Variants in FSD1L observed in about 807,000 individuals in gnomAD.
The protein encoded by FSD1L is FSD1-like protein.
In FSD1L, 45 loss-of-function variants were observed where a neutral mutation model predicts 71.6. The observed-to-expected ratio is 0.63, with a 90% CI of 0.49 to 0.81. The LOEUF is 0.81. Among genes scored for constraint, FSD1L ranks in the 30% least tolerant of loss-of-function variants. FSD1L has a pLI of 0.00. For missense variants in FSD1L, 561 were observed against 618.1 expected (o/e 0.91, Z 0.98); for synonymous variants, 197 against 207.2 (o/e 0.95, Z 0.42).
intron 4 of FSD1L, 104 bp downstream of exon 4, chr9:105,468,428 C>A: frequency 1.2e-6 from 1 of 822,840 alleles, no homozygotes; most frequent in South Asian, 2.5e-5. Context: ...TATACCCTTA[C>A]CTCGTAGAAG....
intron 13 of FSD1L, among the ~76,000 whole-genome samples, chr9:105,545,963 C>T (rs1275064895): frequency 1.3e-5 from 2 of 151,908 alleles, no homozygotes; most frequent in Non-Finnish European, 2.9e-5. Context: ...AGTCTCAGGC[C>T]ATATCTCATT....
chr9:105,468,297 A>G lies in FSD1L; in HGVS notation c.312A>G (p.Glu104=). ...GTATGATTAACTGTATCAAGCAGGA[A>G]CAAGCTCGTAAATCCCAAGAGTTAC... The part of the protein sequence containing the change: ...KESMINCIKQ[E]QARKSQELQS... Residue 104 remains glutamate (E), a synonymous_variant, in exon 4 of 14, where the codon GAA becomes GAG. Coordinates refer to ENST00000481272, the MANE Select transcript of FSD1L (RefSeq NM_001145313.3). 6.7e-7 allele frequency: 1 copy of G among 1,491,990 alleles called. No homozygotes were observed. Among genetic ancestry groups the G allele is most frequent in the Middle Eastern group, 1.7e-4 (1 of 5,836 alleles). 92.4% of individuals were successfully genotyped at this position (1,491,990 alleles called of 1,614,324 possible).
chr9:105,501,244 C>G (rs1355800083), intron 7 of FSD1L, among the ~76,000 whole-genome samples: 2 of 151,596 alleles, frequency 1.3e-5, no homozygotes, highest in Non-Finnish European at 2.9e-5. Context: ...TTTTTGCTAT[C>G]ATAGGATCCC....
At chr9:105,520,630 G>C (rs543204871) in intron 10 of FSD1L, 1 of 1,605,636 alleles carries the variant, frequency 6.2e-7, no homozygotes, top group African/African-American at 1.3e-5. Flanking sequence ...AAGATTAGGC[G>C]GGAAGGTGTT....
chr9:105,444,535 A>G (rs1829601084), upstream of FSD1L, among the ~76,000 whole-genome samples: 1 of 152,200 alleles, frequency 6.6e-6, no homozygotes, highest in African/African-American at 2.4e-5. Flanking sequence ...GAGGTAGCCC[A>G]GGGCTGCAGG....
chr9:105,489,784 C>T (rs901847213), intron 7 of FSD1L, among the ~76,000 whole-genome samples: 3 of 152,112 alleles, frequency 2.0e-5, no homozygotes, highest in Admixed American at 6.5e-5. Context: ...TGATAGTTTA[C>T]TGAGAATGAT....
chr9:105,473,801 T>C (rs1042364405), intron 5 of FSD1L, among the ~76,000 whole-genome samples: 2 of 152,206 alleles, frequency 1.3e-5, no homozygotes, highest in Non-Finnish European at 2.9e-5. Context: ...AGTTCTTCTG[T>C]CTTCTTTCTC....
At chr9:105,528,144 C>G (rs1429145738) in intron 10 of FSD1L, among the ~76,000 whole-genome samples, 1 of 152,036 alleles carries the variant, frequency 6.6e-6, no homozygotes, top group Non-Finnish European at 1.5e-5. Context: ...TAAGGGAGGA[C>G]ACAAACAAAT....
chr9:105,546,214 C>T, intron 13 of FSD1L, 144 bp from the exon 14 acceptor site: 1 of 693,166 alleles, frequency 1.4e-6, no homozygotes, highest in Non-Finnish European at 2.2e-6. Context: ...TTTCCATTTC[C>T]CCTCAGCTGA....
intron 5 of FSD1L, among the ~76,000 whole-genome samples, chr9:105,476,107 C>T (rs996365812): frequency 1.3e-5 from 2 of 152,092 alleles, no homozygotes; most frequent in Admixed American, 1.3e-4. Flanking sequence ...AGATTAAGAA[C>T]AAAAGAGATT....
At chr9:105,464,648 TA>T (rs1830935977) in intron 3 of FSD1L, among the ~76,000 whole-genome samples, 1 of 152,174 alleles carries the variant, frequency 6.6e-6, no homozygotes, top group African/African-American at 2.4e-5. Flanking sequence ...TGCTGGCAAG[TA>T]AAACGTTTCT....
intron 10 of FSD1L, among the ~76,000 whole-genome samples, chr9:105,531,519 G>A (rs1049242510): frequency 6.6e-6 from 1 of 152,206 alleles, no homozygotes; most frequent in Admixed American, 6.5e-5. Flanking sequence ...TGAAGAGCTA[G>A]TGTTCTCAGG....
upstream of FSD1L, among the ~76,000 whole-genome samples, chr9:105,446,779 C>A (rs1023632614): frequency 2.0e-5 from 3 of 149,376 alleles, no homozygotes; most frequent in Non-Finnish European, 3.0e-5. Context: ...AGGGCCTTGC[C>A]CACTACTGAA....
chr9:105,526,073 G>A (rs1835489062), intron 10 of FSD1L: 2 of 1,512,696 alleles, frequency 1.3e-6, no homozygotes, highest in Non-Finnish European at 1.8e-6. Flanking sequence ...CACATGTTCA[G>A]TATTCAGATA....
At chr9:105,525,461 A>G (rs1835449994) in intron 10 of FSD1L, 1 of 1,608,214 alleles carries the variant, frequency 6.2e-7, no homozygotes, top group Non-Finnish European at 8.5e-7. Context: ...TTTGTTGAGA[A>G]GCACTTTAAT....
chr9:105,457,802 A>G (rs1830449027), intron 1 of FSD1L, among the ~76,000 whole-genome samples: 1 of 152,196 alleles, frequency 6.6e-6, no homozygotes, highest in Non-Finnish European at 1.5e-5. Flanking sequence ...GGGTCCGGCC[A>G]CTGTGCACAG....
chr9:105,501,596 A>ATT (rs5899666), intron 7 of FSD1L, among the ~76,000 whole-genome samples: 7 of 133,400 alleles, frequency 5.2e-5, no homozygotes, highest in Non-Finnish European at 9.7e-5. Context: ...CTAATTTTTA[A>ATT]TTTTTTTTTT....
At chr9:105,451,813 C>T (rs1355935728) in intron 1 of FSD1L, among the ~76,000 whole-genome samples, 1 of 152,078 alleles carries the variant, frequency 6.6e-6, no homozygotes, top group Non-Finnish European at 1.5e-5. Flanking sequence ...ACATTTGTAC[C>T]TTTTTAGAAT....
At chr9:105,469,329 T>G (rs973266633) in intron 4 of FSD1L, among the ~76,000 whole-genome samples, 1 of 152,216 alleles carries the variant, frequency 6.6e-6, no homozygotes, top group Non-Finnish European at 1.5e-5. Flanking sequence ...TTTATAATTT[T>G]CTGAGGACCC....
Sources: allele counts gnomAD v4.1 joint callset (sites outside exome capture counted in the v4.1 genomes callset), GRCh38; gene constraint gnomAD v4.1.1; transcripts MANE v1.5; gene names NCBI Gene and HGNC (gene_info 2026-07-23, HGNC 2026-07-21).